PTK2B: variants seen among roughly 807,000 people sequenced by gnomAD.
PTK2B encodes the protein protein tyrosine kinase 2 beta, also known as protein-tyrosine kinase 2-beta.
A neutral mutation model predicts 142.9 loss-of-function variants in PTK2B; 71 were observed. The ratio of observed to expected loss-of-function variants is 0.50; its 90% CI spans 0.41 to 0.61. PTK2B has a LOEUF of 0.61. Ranked by LOEUF, PTK2B falls within the 20% of genes least tolerant of loss-of-function variation. The probability of loss-of-function intolerance (pLI) is 0.00; values close to 1 mark genes in which losing one functional copy is unlikely to be tolerated. For missense variants in PTK2B, 1,105 were observed against 1,320.4 expected, an observed-to-expected ratio of 0.84 and a Z score of 2.53; for synonymous variants, 519 against 503.4, an observed-to-expected ratio of 1.03 and a Z score of -0.42.
upstream of PTK2B, among the ~76,000 whole-genome samples, chr8:27,323,720 C>A (rs1203609847): frequency 1.3e-5 from 2 of 152,104 alleles, no homozygotes; most frequent in Non-Finnish European, 2.9e-5. Context: ...CCTAGGGAGA[C>A]CTGATGGCGG....
intron 30 of PTK2B, among the ~76,000 whole-genome samples, chr8:27,457,975 C>CAAAAAA (rs11317355): frequency 1.1e-5 from 1 of 94,038 alleles, no homozygotes; most frequent in Non-Finnish European, 2.1e-5. Context: ...AACTCAGTCT[C>CAAAAAA]AAAAAAAAAA....
At chr8:27,326,224 GTA>G (rs1162054665) in intron 1 of PTK2B, among the ~76,000 whole-genome samples, 36 of 106,982 alleles carry the variant, frequency 3.4e-4, no homozygotes, top group Non-Finnish European at 5.4e-4. Context: ...GAGCTCGTGT[GTA>G]TGTGTGTGTG....
intron 15 of PTK2B, 108 bp downstream of exon 15, chr8:27,436,456 C>A: frequency 1.1e-6 from 1 of 947,730 alleles, no homozygotes; most frequent in Non-Finnish European, 1.7e-6. Context: ...CCACTTGGGG[C>A]CCCTTGTCCC....
At chr8:27,423,927 C>A (rs1168385920) in intron 5 of PTK2B, among the ~76,000 whole-genome samples, 1 of 152,178 alleles carries the variant, frequency 6.6e-6, no homozygotes, top group African/African-American at 2.4e-5. Flanking sequence ...GTGGTCCCTG[C>A]AGCTGCTTAG....
At chr8:27,324,772 T>C (rs1803318434), upstream of PTK2B, among the ~76,000 whole-genome samples, 1 of 152,168 alleles carries the variant, frequency 6.6e-6, no homozygotes, top group Non-Finnish European at 1.5e-5. Flanking sequence ...ACACTCCACT[T>C]TTTTCACTTT....
chr8:27,423,505 C>A (rs1011091510), intron 5 of PTK2B, among the ~76,000 whole-genome samples: 3 of 152,172 alleles, frequency 2.0e-5, no homozygotes, highest in Non-Finnish European at 4.4e-5. Flanking sequence ...ACCAGCCCCC[C>A]AGGTGACTTG....
intron 1 of PTK2B, among the ~76,000 whole-genome samples, chr8:27,396,880 G>A (rs371037077): frequency 1.3e-5 from 2 of 152,184 alleles, no homozygotes; most frequent in South Asian, 4.1e-4. Context: ...CCTTCCCTGC[G>A]GGGCTGCTGG....
At chr8:27,419,052 T>G (rs1380297638) in intron 2 of PTK2B, among the ~76,000 whole-genome samples, 1 of 151,838 alleles carries the variant, frequency 6.6e-6, no homozygotes, top group African/African-American at 2.4e-5. Flanking sequence ...GGCACCAAAG[T>G]GATTTCAGAA....
Position 27,437,206 on chromosome 8 carries a change from G to C in PTK2B, c.1426G>C (p.Val476Leu). The change falls in exon 16 of 31, where the codon GTG (valine) becomes CTG (leucine). Residue 476 changes from valine (V) to leucine (L), a missense_variant and splice_region_variant. Physicochemically the swap from Val to Leu is conservative, Grantham distance 32 (BLOSUM62 1). Coordinates refer to ENST00000346049, the MANE Select transcript of PTK2B (RefSeq NM_173176.3). ...DNKEKFMSEA[V>L]IMKNLDHPHI... ...CAAGGAGAAGTTCATGAGCGAGGCA[G>C]GTAGGGACCCCTGAGACCAACCAGG... 1 of 1,613,504 alleles carries C rather than the reference G, an allele frequency of 6.2e-7. No individual in the cohort carries two copies. Among genetic ancestry groups the C allele is most frequent in the Non-Finnish European group, 8.5e-7 (1 of 1,179,442 alleles).
intron 2 of PTK2B, among the ~76,000 whole-genome samples, chr8:27,403,727 A>G (rs1773215477): frequency 6.6e-6 from 1 of 151,852 alleles, no homozygotes; most frequent in African/African-American, 2.4e-5. Flanking sequence ...ACGTGCCCAC[A>G]CAGGGCGGCT....
intron 1 of PTK2B, among the ~76,000 whole-genome samples, chr8:27,393,192 T>C (rs1461435821): frequency 6.6e-6 from 1 of 152,164 alleles, no homozygotes; most frequent in Admixed American, 6.5e-5. Flanking sequence ...AATGGCCATC[T>C]TCACTCCTGC....
chr8:27,444,313 T>A (rs1256422034), intron 23 of PTK2B, 42 bp downstream of exon 23: 4 of 1,571,058 alleles, frequency 2.5e-6, no homozygotes, highest in Non-Finnish European at 3.5e-6. Context: ...GGTCTACCTC[T>A]CATCCAGGTC....
intron 3 of PTK2B, among the ~76,000 whole-genome samples, chr8:27,316,889 T>A (rs186074595): frequency 6.6e-6 from 1 of 152,364 alleles, no homozygotes; most frequent in East Asian, 1.9e-4. Flanking sequence ...GTCTGTATCA[T>A]TTATGATCTT....
At chr8:27,344,639 C>T (rs1412087477) in intron 1 of PTK2B, among the ~76,000 whole-genome samples, 1 of 152,174 alleles carries the variant, frequency 6.6e-6, no homozygotes, top group Non-Finnish European at 1.5e-5. Flanking sequence ...CACCCCTCGT[C>T]CGCTTGATGG....
intron 27 of PTK2B, chr8:27,452,757 C>T (rs1487660150): frequency 2.2e-5 from 6 of 276,120 alleles, no homozygotes; most frequent in South Asian, 2.3e-4. Flanking sequence ...ACCACAGACA[C>T]CTGCTGGCAT....
intron 1 of PTK2B, among the ~76,000 whole-genome samples, chr8:27,330,002 C>T (rs1204782264): frequency 1.3e-5 from 2 of 152,094 alleles, no homozygotes; most frequent in African/African-American, 2.4e-5. Flanking sequence ...CTCTGAGCAG[C>T]GTCAGAGAGG....
chr8:27,324,249 C>G (rs184978044), upstream of PTK2B, among the ~76,000 whole-genome samples: 4 of 152,326 alleles, frequency 2.6e-5, no homozygotes, highest in Admixed American at 2.6e-4. Context: ...ACCTGCTGAC[C>G]GCTGTGTAGT....
chr8:27,352,428 T>C (rs189001386), intron 1 of PTK2B, among the ~76,000 whole-genome samples: 30 of 152,316 alleles, frequency 2.0e-4, no homozygotes, highest in African/African-American at 7.2e-4. Context: ...TTCTAAATGC[T>C]TGTTGGAGCA....
chr8:27,311,279 C>A (rs752453388), upstream of PTK2B: 1 of 1,450,734 alleles, frequency 6.9e-7, no homozygotes, highest in Non-Finnish European at 9.1e-7. Context: ...TTGCTCCGGC[C>A]CCTCCCACCC....
Sources: allele counts gnomAD v4.1 joint callset (sites outside exome capture counted in the v4.1 genomes callset), GRCh38; gene constraint gnomAD v4.1.1; transcripts MANE v1.5; gene names NCBI Gene and HGNC (gene_info 2026-07-23, HGNC 2026-07-21).